Variants in GRIP1 observed in about 807,000 individuals in gnomAD.
The protein encoded by GRIP1 is glutamate receptor-interacting protein 1.
In GRIP1, 45 loss-of-function variants were observed where a neutral mutation model predicts 129.9. That is an observed-to-expected ratio of 0.35 (90% CI 0.27 to 0.44). The LOEUF (loss-of-function observed/expected upper bound fraction) is 0.44. GRIP1 is among the 20% of genes least tolerant of loss of function. The pLI is 1.00. For synonymous variants in GRIP1, 530 were observed against 520.8 expected, an observed-to-expected ratio of 1.02 and a Z score of -0.24; for missense variants, 1,196 against 1,396.8, an observed-to-expected ratio of 0.86 and a Z score of 2.29.
chr12:66,660,200 A>G (rs1813485788), intron 1 of GRIP1, among the ~76,000 whole-genome samples: 1 of 152,132 alleles, frequency 6.6e-6, no homozygotes, highest in African/African-American at 2.4e-5. Context: ...CTATCTTCAA[A>G]CCTTAGTTTG....
chr12:66,349,026 G>A lies in GRIP1; in HGVS notation c.3380C>T (p.Thr1127Ile), dbSNP rs1283159238. 6.2e-7 allele frequency: 1 copy of A among 1,602,962 alleles called. No homozygotes were observed. Among genetic ancestry groups the A allele is most frequent in the Admixed American group, 1.7e-5 (1 of 60,012 alleles). ...GCTTTATAAAAAGCGTTGCTATAAT[G>A]TATTAGTGGGTTCTCGTGTCTCCAA... The part of the protein sequence containing the change: ...GNLETREPTN[T>I]L Residue 1127 changes from threonine (T) to isoleucine (I), a missense_variant, in exon 25 of 25, where the codon ACA becomes ATA. By Grantham distance (89) the Thr-to-Ile change is moderately conservative. This residue lies in a region of GRIP1 where 427 missense variants were observed against 463.3 expected (regional missense o/e 0.92). Coordinates refer to ENST00000359742, the MANE Select transcript of GRIP1 (RefSeq NM_001366722.1).
At chr12:66,504,630 C>T (rs1336389915) in intron 7 of GRIP1, among the ~76,000 whole-genome samples, 3 of 152,114 alleles carry the variant, frequency 2.0e-5, no homozygotes, top group Non-Finnish European at 4.4e-5. Context: ...TGCAGTATTT[C>T]AGATGGCCAC....
chr12:66,996,048 A>G (rs1282213848), intron 1 of GRIP1, among the ~76,000 whole-genome samples: 1 of 152,224 alleles, frequency 6.6e-6, no homozygotes. Context: ...AAAAGACCAC[A>G]TATTGTATGA....
At chr12:66,919,435 A>G (rs2041178494) in intron 1 of GRIP1, among the ~76,000 whole-genome samples, 1 of 152,212 alleles carries the variant, frequency 6.6e-6, no homozygotes, top group Non-Finnish European at 1.5e-5. Context: ...ATTCATTAAT[A>G]ATCAAAACAT....
In GRIP1 at chr12:66,544,015, G is replaced by A. The variant is rs1162480149; in HGVS notation, c.137-2065C>T. On this transcript the variant is annotated intron_variant, in intron 2 of 24. Transcript: ENST00000359742. ...GCTTCCTGCATAAAATAGGATGCAC[G>A]GGTACAGCCTTATGGGAGGCAGACA... Among the ~76,000 whole-genome samples the A allele has an allele frequency of 1.3e-5, 2 of 152,204 alleles. 1 individual carries two copies. Among genetic ancestry groups the A allele is most frequent in the South Asian group, 4.2e-4 (2 of 4,808 alleles).
At chr12:66,372,065 A>G (rs1215144898) in intron 22 of GRIP1, 138 bp from the exon 23 acceptor site, 1 of 693,686 alleles carries the variant, frequency 1.4e-6, no homozygotes, top group African/African-American at 1.8e-5. Context: ...TGGAAAATGG[A>G]TGTACTAATT....
intron 1 of GRIP1, among the ~76,000 whole-genome samples, chr12:66,877,653 A>AT (rs945281805): frequency 6.6e-6 from 1 of 152,056 alleles, no homozygotes; most frequent in African/African-American, 2.4e-5. Context: ...TAATTTGCAC[A>AT]TTTTTTATAA....
chr12:66,692,129 C>A (rs554497279), intron 1 of GRIP1, among the ~76,000 whole-genome samples: 5 of 152,274 alleles, frequency 3.3e-5, no homozygotes, highest in Admixed American at 1.3e-4. Context: ...TCAGCATTGG[C>A]ACCAATAGAC....
At chr12:66,725,772 A>G (rs966451265) in intron 1 of GRIP1, among the ~76,000 whole-genome samples, 3 of 152,224 alleles carry the variant, frequency 2.0e-5, no homozygotes, top group Non-Finnish European at 4.4e-5. Flanking sequence ...TCATATAACA[A>G]TACTTACTCT....
At chr12:66,759,135 C>T (rs1399075149) in intron 1 of GRIP1, among the ~76,000 whole-genome samples, 1 of 152,234 alleles carries the variant, frequency 6.6e-6, no homozygotes, top group Non-Finnish European at 1.5e-5. Context: ...TTTGCCTGGG[C>T]ATCCAGGAGT....
rs191921849 is a variant in GRIP1, at chr12:67,049,526, G to A, written c.58+19524C>T. Among the ~76,000 whole-genome samples, 148 of 152,170 alleles carry A rather than the reference G, an allele frequency of 9.7e-4. 1 individual carries two copies. The highest frequency in any genetic ancestry group is 6.8e-3 in the Middle Eastern group (2 of 292). On this transcript the variant is annotated intron_variant, in intron 1 of 1. Coordinates refer to the GRIP1 transcript ENST00000643019. Reference sequence around the variant, plus strand: ...AGTTGAACAATGAGAATACATGGACGCAGGGAGGGGAACTTCACACACCAG... The same window carrying A: ...AGTTGAACAATGAGAATACATGGACACAGGGAGGGGAACTTCACACACCAG...
At chr12:66,584,993 G>A (rs962310437) in intron 2 of GRIP1, among the ~76,000 whole-genome samples, 2 of 151,596 alleles carry the variant, frequency 1.3e-5, no homozygotes, top group African/African-American at 2.4e-5. Flanking sequence ...CTTCCCTCCC[G>A]CTGACCCGTT....
intron 1 of GRIP1, among the ~76,000 whole-genome samples, chr12:66,642,543 G>T (rs2032028531): frequency 6.6e-6 from 1 of 152,130 alleles, no homozygotes; most frequent in South Asian, 2.1e-4. Flanking sequence ...AGCCATCATG[G>T]TGTCTTCAGC....
At chr12:66,387,042 A>G (rs1323052582) in intron 19 of GRIP1, among the ~76,000 whole-genome samples, 1 of 152,180 alleles carries the variant, frequency 6.6e-6, no homozygotes, top group East Asian at 1.9e-4. Flanking sequence ...TAATACATAA[A>G]TCCAGTGGAA....
chr12:66,589,798 T>C (rs1015352303), intron 2 of GRIP1, among the ~76,000 whole-genome samples: 6 of 152,160 alleles, frequency 3.9e-5, no homozygotes, highest in African/African-American at 1.2e-4. Flanking sequence ...GGGAAGCTGT[T>C]CTGAGTCAAT....
chr12:66,465,149 T>A, intron 8 of GRIP1, 126 bp downstream of exon 8: 1 of 692,554 alleles, frequency 1.4e-6, no homozygotes, highest in East Asian at 3.1e-5. Context: ...TTTCACCATG[T>A]TGGCCAAGCT....
rs752025367 is a variant in GRIP1 at position 66,539,210 on chromosome 12, C to A, written c.286G>T (p.Asp96Tyr). ...GGIAARSDQL[D>Y]VGDYIKAVNG... The stretch of plus-strand genomic sequence containing the variant: ...ACTGCTTTGATGTAGTCACCCACAT[C>A]CAGCTGGTCACTTCTGCAAAATAGA... Residue 96 changes from aspartate (D) to tyrosine (Y), a missense_variant, in exon 4 of 25, where the codon GAT (aspartate) becomes TAT (tyrosine). Around this residue, in one of 5 missense-constraint regions of GRIP1, gnomAD observed 217 missense variants for 224.8 expected, o/e 0.97. Transcript: ENST00000359742. 6.2e-7 allele frequency: 1 copy of A among 1,614,058 alleles called. No homozygotes were observed. The highest frequency in any genetic ancestry group is 1.1e-5 in the South Asian group (1 of 91,088).
At chr12:66,926,868 A>C (rs1398713813) in intron 1 of GRIP1, among the ~76,000 whole-genome samples, 1 of 152,268 alleles carries the variant, frequency 6.6e-6, no homozygotes, top group Non-Finnish European at 1.5e-5. Context: ...CACTAAGAGC[A>C]AAGAAAAAAA....
At chr12:66,449,656 G>GT (rs2058723219) in intron 11 of GRIP1, among the ~76,000 whole-genome samples, 1 of 152,140 alleles carries the variant, frequency 6.6e-6, no homozygotes, top group African/African-American at 2.4e-5. Flanking sequence ...AGAGTGTACC[G>GT]TGATTACTCT....
Sources: gnomAD v4.1 joint callset for allele counts (sites outside exome capture counted in the v4.1 genomes callset) on GRCh38, gnomAD v4.1.1 for gene constraint, gnomAD v4.1.1 regional missense constraint, MANE v1.5 for transcripts, NCBI Gene and HGNC (gene_info 2026-07-23, HGNC 2026-07-21) for gene names.